KLF8: variants seen among roughly 807,000 people sequenced by gnomAD.
KLF8 encodes KLF transcription factor 8.
KLF8 carries 10 observed loss-of-function variants against 18.2 expected under a neutral mutation model. That is an observed-to-expected ratio of 0.55 (90% confidence interval 0.34 to 0.93). The LOEUF (loss-of-function observed/expected upper bound fraction) is 0.93. KLF8 is among the 40% of genes least tolerant of loss of function. The probability of loss-of-function intolerance (pLI) is 0.02; values close to 1 mark genes in which losing one functional copy is unlikely to be tolerated. For missense variants in KLF8, 264 were observed against 277.9 expected, an observed-to-expected ratio of 0.95 and a Z score of 0.36; for synonymous variants, 109 against 97.3, an observed-to-expected ratio of 1.12 and a Z score of -0.71.
the KLF8 span, among the ~76,000 whole-genome samples, chrX:55,979,567 T>C: frequency 6.3e-5 from 7 of 111,849 alleles, no homozygotes; most frequent in African/African-American, 2.3e-4. Flanking sequence ...AGATAATAGA[T>C]AGACATTGAT....
At chrX:55,954,992 A>G in the KLF8 span, among the ~76,000 whole-genome samples, 3 of 111,746 alleles carry the variant, frequency 2.7e-5, no homozygotes, top group Admixed American at 2.9e-4. Flanking sequence ...TACTGTGTGT[A>G]AGAATAGGGA....
At chrX:56,198,202 A>C in the KLF8 span, among the ~76,000 whole-genome samples, 1 of 112,319 alleles carries the variant, frequency 8.9e-6, no homozygotes, top group South Asian at 3.7e-4. Context: ...CTCTCTCAGC[A>C]GTCCTATTCA....
At chrX:56,082,254 T>C in the KLF8 span, among the ~76,000 whole-genome samples, 1 of 111,976 alleles carries the variant, frequency 8.9e-6, no homozygotes, top group African/African-American at 3.2e-5. Flanking sequence ...TTGTTTGTAT[T>C]ATCCACTTAT....
chrX:56,195,073 G>C, the KLF8 span, among the ~76,000 whole-genome samples: 1 of 111,865 alleles, frequency 8.9e-6, no homozygotes, highest in African/African-American at 3.3e-5. Flanking sequence ...AACCCCATCT[G>C]TAAGTCACCA....
chrX:56,093,537 T>C, the KLF8 span, among the ~76,000 whole-genome samples: 3 of 110,740 alleles, frequency 2.7e-5, no homozygotes, highest in East Asian at 8.4e-4. Context: ...AGACCTGCCT[T>C]ACAACAAATG....
chrX:56,242,667 C>T (rs1320765900), intron 1 of KLF8, among the ~76,000 whole-genome samples: 1 of 111,784 alleles, frequency 8.9e-6, no homozygotes. Context: ...GTTTAGCTGG[C>T]TGTTGTAGTA....
At chrX:56,139,252 TA>T in the KLF8 span, among the ~76,000 whole-genome samples, 1 of 112,074 alleles carries the variant, frequency 8.9e-6, no homozygotes, top group African/African-American at 3.2e-5. Context: ...AATACAATGC[TA>T]TTCCTATCAA....
chrX:56,109,054 T>C, the KLF8 span, among the ~76,000 whole-genome samples: 1 of 111,563 alleles, frequency 9.0e-6, no homozygotes, highest in Non-Finnish European at 1.9e-5. Flanking sequence ...AGATAATCCT[T>C]TGTGTGGTTT....
the KLF8 span, among the ~76,000 whole-genome samples, chrX:55,990,037 A>C: frequency 0.085 from 9,361 of 110,318 alleles, 974 homozygotes; most frequent in African/African-American, 0.3. Flanking sequence ...TTTCTGTGGG[A>C]TCGGTGGTGA....
At chrX:56,036,609 G>C in the KLF8 span, among the ~76,000 whole-genome samples, 1 of 112,230 alleles carries the variant, frequency 8.9e-6, no homozygotes, top group South Asian at 3.6e-4. Flanking sequence ...AAGTTCAGCA[G>C]TGTGCTTCCT....
chrX:56,268,642 A>C (rs1350815484), intron 3 of KLF8: 1 of 722,433 alleles, frequency 1.4e-6, no homozygotes, highest in African/African-American at 2.3e-5. Flanking sequence ...AGTGAATGAT[A>C]TGCAAAGTAT....
chrX:56,016,758 A>G, the KLF8 span, among the ~76,000 whole-genome samples: 6 of 111,733 alleles, frequency 5.4e-5, no homozygotes, highest in African/African-American at 1.9e-4. Context: ...GTGCCACACA[A>G]TATGTTAATA....
the KLF8 span, among the ~76,000 whole-genome samples, chrX:56,105,672 G>C: frequency 9.1e-6 from 1 of 110,378 alleles, no homozygotes; most frequent in African/African-American, 3.3e-5. Flanking sequence ...CAATTTGCCA[G>C]TCTGTGTCTT....
the KLF8 span, among the ~76,000 whole-genome samples, chrX:55,988,135 C>T: frequency 1.8e-5 from 2 of 111,752 alleles, no homozygotes; most frequent in Non-Finnish European, 3.8e-5. Context: ...CAAAAATTTT[C>T]TCCCATTCTG....
chrX:56,089,566 C>T, the KLF8 span, among the ~76,000 whole-genome samples: 1 of 111,854 alleles, frequency 8.9e-6, no homozygotes, highest in Non-Finnish European at 1.9e-5. Flanking sequence ...AACTGAAAAT[C>T]AGCGACTCCT....
At chrX:56,041,310 G>A in the KLF8 span, among the ~76,000 whole-genome samples, 1 of 110,179 alleles carries the variant, frequency 9.1e-6, no homozygotes, top group Non-Finnish European at 1.9e-5. Flanking sequence ...TATTAGTAAA[G>A]ACAAGGTTTC....
the KLF8 span, among the ~76,000 whole-genome samples, chrX:56,209,472 T>C: frequency 9.0e-6 from 1 of 110,748 alleles, no homozygotes; most frequent in East Asian, 2.9e-4. Flanking sequence ...TATTCACAAA[T>C]AAGGACTTTA....
chrX:56,078,829 T>C, the KLF8 span, among the ~76,000 whole-genome samples: 1 of 111,325 alleles, frequency 9.0e-6, no homozygotes, highest in Non-Finnish European at 1.9e-5. Flanking sequence ...AGCCTGTTAT[T>C]GGTCTATTCA....
chrX:56,157,047 T>C, the KLF8 span, among the ~76,000 whole-genome samples: 1 of 103,740 alleles, frequency 9.6e-6, no homozygotes, highest in African/African-American at 3.8e-5. Context: ...TGGAATACTA[T>C]GCAGCCATAA....
Sources: allele counts gnomAD v4.1 joint callset (sites outside exome capture counted in the v4.1 genomes callset), GRCh38; gene constraint gnomAD v4.1.1; transcripts MANE v1.5; gene names NCBI Gene and HGNC (gene_info 2026-07-23, HGNC 2026-07-21).